Variants in CD1B observed in about 807,000 individuals in gnomAD.
CD1B encodes CD1b molecule.
CD1B carries 43 observed loss-of-function variants against 39.8 expected under a neutral mutation model. That is an observed-to-expected ratio of 1.08 (90% CI 0.85 to 1.39). The LOEUF is 1.39. Among genes scored for constraint, CD1B ranks in the 40% most tolerant of loss-of-function variants. The probability of loss-of-function intolerance (pLI) is 0.00; values close to 1 mark genes in which losing one functional copy is unlikely to be tolerated. For synonymous variants in CD1B, 192 were observed against 152.5 expected (o/e 1.26, Z -1.91); for missense variants, 495 against 403.8 (o/e 1.23, Z -1.94).
At chr1:158,309,732 CA>C in the CD1B span, among the ~76,000 whole-genome samples, 2 of 141,236 alleles carry the variant, frequency 1.4e-5, no homozygotes, top group African/African-American at 2.6e-5. Context: ...ATTGCAAGGA[CA>C]AAAAACAAAA....
chr1:158,317,960 T>C, the CD1B span, among the ~76,000 whole-genome samples: 1 of 152,222 alleles, frequency 6.6e-6, no homozygotes, highest in Admixed American at 6.5e-5. Flanking sequence ...AGTTTCCATG[T>C]AGTTGTGCGG....
chr1:158,312,755 A>G, the CD1B span, among the ~76,000 whole-genome samples: 1 of 152,174 alleles, frequency 6.6e-6, no homozygotes, highest in Non-Finnish European at 1.5e-5. Flanking sequence ...TTGATGAAGT[A>G]ATTAGTATTT....
the CD1B span, chr1:158,289,790 A>G: frequency 1.6e-5 from 6 of 363,976 alleles, no homozygotes; most frequent in Admixed American, 1.2e-4. Context: ...TGTCTAAGGC[A>G]GTTGAGGAAG....
chr1:158,292,751 C>A, the CD1B span: 2 of 1,614,168 alleles, frequency 1.2e-6, no homozygotes, highest in Non-Finnish European at 1.7e-6. Context: ...TGATATTCTT[C>A]CTAATGCTGA....
downstream of CD1B, among the ~76,000 whole-genome samples, chr1:158,327,707 C>T (rs1329163102): frequency 6.6e-6 from 1 of 152,192 alleles, no homozygotes; most frequent in Non-Finnish European, 1.5e-5. Context: ...AAGTGGATCT[C>T]TGCATAGTTC....
chr1:158,315,107 C>T, the CD1B span, among the ~76,000 whole-genome samples: 15 of 151,660 alleles, frequency 9.9e-5, no homozygotes, highest in Admixed American at 9.2e-4. Context: ...AATAATGCCG[C>T]AATAAACACA....
chr1:158,297,219 T>C, the CD1B span, among the ~76,000 whole-genome samples: 4 of 152,198 alleles, frequency 2.6e-5, no homozygotes, highest in South Asian at 8.3e-4. Context: ...GCAGGTCACC[T>C]ACAAAGGGAC....
chr1:158,316,964 T>C, the CD1B span, among the ~76,000 whole-genome samples: 2 of 151,258 alleles, frequency 1.3e-5, no homozygotes, highest in East Asian at 3.9e-4. Context: ...TTACATTTAT[T>C]GATTTGCGTA....
the CD1B span, chr1:158,293,702 C>A: frequency 9.6e-7 from 1 of 1,037,956 alleles, no homozygotes; most frequent in African/African-American, 1.6e-5. Flanking sequence ...TCATTTCCTC[C>A]AACGATCTTC....
chr1:158,304,563 T>C, the CD1B span, among the ~76,000 whole-genome samples: 3 of 152,098 alleles, frequency 2.0e-5, no homozygotes, highest in Admixed American at 1.3e-4. Context: ...ACTTAAATGT[T>C]CCTGTCTGAC....
At chr1:158,326,268 G>A (rs1252507931), downstream of CD1B, among the ~76,000 whole-genome samples, 3 of 152,186 alleles carry the variant, frequency 2.0e-5, no homozygotes, top group South Asian at 4.1e-4. Flanking sequence ...CACCATGCCC[G>A]GCCCACAAAT....
Position 158,329,604 on chromosome 1 carries a change from C to T in CD1B, c.652G>A (p.Gly218Ser). Reference protein sequence around the residue: ...WLSSGPSPGPGRLQLVCHVSG... With the variant: ...WLSSGPSPGPSRLQLVCHVSG... Reference sequence around the variant, plus strand: ...ACATGGCACACAAGCTGCAGACGGCCAGGTCCAGGACTGGGGCCACTGGAC... The same window carrying T: ...ACATGGCACACAAGCTGCAGACGGCTAGGTCCAGGACTGGGGCCACTGGAC... Residue 218 changes from glycine to serine, a missense_variant, in exon 4 of 6, where the codon GGC becomes AGC. By Grantham distance (56) the Gly-to-Ser change is moderately conservative. Coordinates refer to ENST00000368168, the MANE Select transcript of CD1B (RefSeq NM_001764.3). 2.5e-6 allele frequency: 4 copies of T among 1,614,084 alleles called. No homozygotes were observed. In the South Asian group the frequency reaches 3.3e-5, roughly 13 times the overall value.
chr1:158,320,648 C>A, the CD1B span, among the ~76,000 whole-genome samples: 1 of 152,046 alleles, frequency 6.6e-6, no homozygotes, highest in African/African-American at 2.4e-5. Context: ...AGCTGTAGAC[C>A]GGAGCTCTTC....
the CD1B span, among the ~76,000 whole-genome samples, chr1:158,314,179 G>A: frequency 6.6e-6 from 1 of 152,094 alleles, no homozygotes; most frequent in East Asian, 1.9e-4. Flanking sequence ...CTGCCTCCCA[G>A]GTTCAAGTGA....
chr1:158,304,600 C>T, the CD1B span, among the ~76,000 whole-genome samples: 14 of 152,278 alleles, frequency 9.2e-5, no homozygotes, highest in East Asian at 9.7e-4. Flanking sequence ...GTGGTTCTCC[C>T]AGCATGCAGC....
At chr1:158,316,635 T>G in the CD1B span, among the ~76,000 whole-genome samples, 2 of 150,996 alleles carry the variant, frequency 1.3e-5, no homozygotes, top group East Asian at 3.9e-4. Context: ...TTTTCCTAAT[T>G]GAATACCCTT....
chr1:158,304,457 T>C, the CD1B span, among the ~76,000 whole-genome samples: 1 of 152,108 alleles, frequency 6.6e-6, no homozygotes, highest in African/African-American at 2.4e-5. Context: ...GAATGGGGTG[T>C]AGCCCACCGC....
chr1:158,292,654 G>C, the CD1B span: 1 of 1,613,698 alleles, frequency 6.2e-7, no homozygotes, highest in Non-Finnish European at 8.5e-7. Flanking sequence ...AGCTGTTGCT[G>C]GTTTGTCATG....
At position 158,328,887 on chromosome 1, in the gene CD1B, A is replaced by AT; in HGVS notation, c.980+33dup. Reference sequence around the variant, plus strand: ...GTGGAAGGGTGAACAGAAAAGACATATTAAAAAAAAAAACAACACCACCCA... The same window carrying AT: ...GTGGAAGGGTGAACAGAAAAGACATATTTAAAAAAAAAAACAACACCACCCA... On this transcript the variant is annotated intron_variant, in intron 5 of 5. Coordinates refer to ENST00000368168, the MANE Select transcript of CD1B (RefSeq NM_001764.3). 2.1e-6 allele frequency: 3 copies of AT among 1,423,596 alleles called. No homozygotes were observed. The South Asian group carries it at 3.8e-5, about 18-fold the overall frequency. The allele number at this position is 1,423,596 out of a possible 1,614,324, so 88.2% of individuals were successfully genotyped here.
Sources: allele counts gnomAD v4.1 joint callset (sites outside exome capture counted in the v4.1 genomes callset), GRCh38; gene constraint gnomAD v4.1.1; transcripts MANE v1.5; gene names NCBI Gene and HGNC (gene_info 2026-07-23, HGNC 2026-07-21).